Variants in SND1 observed in about 807,000 individuals in gnomAD.
SND1 encodes staphylococcal nuclease and tudor domain containing 1, also known as staphylococcal nuclease domain-containing protein 1.
In SND1, 38 loss-of-function variants were observed where a neutral mutation model predicts 121.7. The observed-to-expected ratio is 0.31, with a 90% CI of 0.24 to 0.41. The LOEUF is 0.41. Ranked by LOEUF, SND1 falls within the 10% of genes least tolerant of loss-of-function variation. The pLI is 1.00. For missense variants in SND1, 868 were observed against 1,184.6 expected (o/e 0.73, Z 3.92); for synonymous variants, 401 against 447.4 (o/e 0.90, Z 1.31).
At chr7:127,827,793 C>G (rs1352466489) in intron 11 of SND1, among the ~76,000 whole-genome samples, 1 of 151,826 alleles carries the variant, frequency 6.6e-6, no homozygotes, top group East Asian at 1.9e-4. Flanking sequence ...TCTCAACATG[C>G]CTATGCATCT....
chr7:127,840,655 C>T (rs1396152567), intron 11 of SND1, among the ~76,000 whole-genome samples: 1 of 152,132 alleles, frequency 6.6e-6, no homozygotes, highest in African/African-American at 2.4e-5. Flanking sequence ...GGTTCTTTTT[C>T]AAGTGATTGA....
At chr7:128,086,525 C>T (rs973301430) in intron 20 of SND1, 34 of 282,690 alleles carry the variant, frequency 1.2e-4, no homozygotes, top group Admixed American at 1.2e-3. Flanking sequence ...CAGGCAGGCC[C>T]GGTGACCACA....
chr7:127,738,286 CTTTTTTT>C (rs889082580), intron 10 of SND1, among the ~76,000 whole-genome samples: 22 of 122,658 alleles, frequency 1.8e-4, no homozygotes, highest in African/African-American at 5.5e-4. Flanking sequence ...TTTTTTTTTT[CTTTTTTT>C]TTTTTTTTGA....
chr7:127,744,972 A>G (rs901847640), intron 10 of SND1, among the ~76,000 whole-genome samples: 2 of 152,218 alleles, frequency 1.3e-5, no homozygotes, highest in Admixed American at 6.5e-5. Flanking sequence ...TCCCTTTTAA[A>G]ACTTCTGTTA....
chr7:127,944,709 A>G (rs1801288280), intron 15 of SND1, among the ~76,000 whole-genome samples: 1 of 152,222 alleles, frequency 6.6e-6, no homozygotes, highest in Non-Finnish European at 1.5e-5. Flanking sequence ...TGATTACTGT[A>G]GTGCCCTTTT....
chr7:127,705,000 G>C (rs1243009932), intron 8 of SND1, 55 bp downstream of exon 8: 1 of 1,444,222 alleles, frequency 6.9e-7, no homozygotes, highest in Non-Finnish European at 9.7e-7. Context: ...GATCTTTAGG[G>C]AAAGAAATCT....
intron 12 of SND1, among the ~76,000 whole-genome samples, chr7:127,848,152 G>A (rs1423664256): frequency 6.6e-6 from 1 of 152,150 alleles, no homozygotes; most frequent in African/African-American, 2.4e-5. Flanking sequence ...TCCATGATTT[G>A]CAATTTGTGC....
intron 11 of SND1, 39 bp from the exon 12 acceptor site, chr7:127,844,285 A>C: frequency 6.5e-7 from 1 of 1,548,242 alleles, no homozygotes; most frequent in Non-Finnish European, 8.9e-7. Flanking sequence ...GCTATGTTGC[A>C]GACTCTCAAC....
chr7:128,058,549 G>C (rs1793179384), intron 16 of SND1, among the ~76,000 whole-genome samples: 1 of 152,238 alleles, frequency 6.6e-6, no homozygotes, highest in Non-Finnish European at 1.5e-5. Context: ...TGTTGGACTA[G>C]AGGCAGGTAG....
intron 16 of SND1, among the ~76,000 whole-genome samples, chr7:128,042,771 T>C (rs1028687634): frequency 3.3e-5 from 5 of 152,208 alleles, no homozygotes; most frequent in African/African-American, 7.2e-5. Context: ...CCAAGAGGTG[T>C]TCCTGCCTGA....
Position 128,029,166 on chromosome 7 carries a change from G to T in SND1, c.1779+38110G>T. ...CACACGGGTAGTCTGAATGAGCACC[G>T]TGGTAGAGGTGGTATATGCCGGCTG... is the stretch of plus-strand genomic sequence containing the variant. On this transcript the variant is annotated intron_variant, in intron 16 of 23. Transcript: ENST00000354725. The surrounding 1 kb of genome is among the most constrained non-coding windows in gnomAD (Gnocchi z 4.2). 2 of 1,614,116 alleles carry T rather than the reference G, an allele frequency of 1.2e-6. No individual in the cohort carries two copies.
At chr7:127,805,530 C>T (rs983485909) in intron 10 of SND1, among the ~76,000 whole-genome samples, 2 of 152,174 alleles carry the variant, frequency 1.3e-5, no homozygotes, top group African/African-American at 2.4e-5. Flanking sequence ...TATCTGCATT[C>T]TCATAAGAGA....
chr7:128,028,635 G>A (rs1421659982), intron 16 of SND1: 1 of 1,554,532 alleles, frequency 6.4e-7, no homozygotes, highest in East Asian at 2.3e-5. Context: ...TGCTGTCTTT[G>A]TGTGCATTCT....
At chr7:128,047,457 T>C (rs974970596) in intron 16 of SND1, among the ~76,000 whole-genome samples, 3 of 152,278 alleles carry the variant, frequency 2.0e-5, no homozygotes, top group Non-Finnish European at 2.9e-5. Context: ...CAAATCACTC[T>C]GTTCTTTCTG....
intron 12 of SND1, among the ~76,000 whole-genome samples, chr7:127,863,406 T>C (rs903577774): frequency 6.6e-6 from 1 of 152,156 alleles, no homozygotes; most frequent in African/African-American, 2.4e-5. Context: ...AGTGTTAATA[T>C]ACCTTGAAAA....
intron 1 of SND1, among the ~76,000 whole-genome samples, chr7:127,670,033 C>T (rs1265391872): frequency 6.6e-6 from 1 of 151,630 alleles, no homozygotes; most frequent in African/African-American, 2.4e-5. Context: ...GTCTCTCACC[C>T]AGGCTGGAGT....
intron 3 of SND1, among the ~76,000 whole-genome samples, chr7:127,696,192 C>T (rs1796003493): frequency 6.6e-6 from 1 of 152,108 alleles, no homozygotes; most frequent in African/African-American, 2.4e-5. Flanking sequence ...AATAAGCAAG[C>T]AGGGTAGAAT....
At chr7:127,931,505 T>C (rs1800955508) in intron 15 of SND1, among the ~76,000 whole-genome samples, 1 of 152,242 alleles carries the variant, frequency 6.6e-6, no homozygotes, top group Admixed American at 6.5e-5. Flanking sequence ...AGTGCTGATG[T>C]AGAAGCTGCA....
chr7:128,086,791 T>C (rs1272010187), intron 20 of SND1, 147 bp from the exon 21 acceptor site: 1 of 708,158 alleles, frequency 1.4e-6, no homozygotes, highest in African/African-American at 1.7e-5. Flanking sequence ...GGGGAGCCTT[T>C]GTACATTGCA....
Sources: gnomAD v4.1 joint callset for allele counts (sites outside exome capture counted in the v4.1 genomes callset) on GRCh38, gnomAD v4.1.1 for gene constraint, Gnocchi (gnomAD v3.1) non-coding constraint, MANE v1.5 for transcripts, NCBI Gene and HGNC (gene_info 2026-07-23, HGNC 2026-07-21) for gene names.